KCNC2: variants seen among roughly 807,000 people sequenced by gnomAD.
The protein encoded by KCNC2 is voltage-gated potassium channel KCNC2.
In KCNC2, 21 loss-of-function variants were observed where a neutral mutation model predicts 44.5. The ratio of observed to expected loss-of-function variants is 0.47; its 90% CI spans 0.33 to 0.68. The LOEUF (loss-of-function observed/expected upper bound fraction) is 0.68, where lower values mean the gene tolerates loss of function less well. Among genes scored for constraint, KCNC2 ranks in the 30% least tolerant of loss-of-function variants. The pLI is 0.01. For missense variants in KCNC2, 589 were observed against 826.2 expected (o/e 0.71, Z 3.52); for synonymous variants, 391 against 339.1 (o/e 1.15, Z -1.68).
At chr12:75,043,894 A>C in intron 4 of KCNC2, 1 of 849,524 alleles carries the variant, frequency 1.2e-6, no homozygotes, top group South Asian at 2.2e-5. Context: ...AATAAGTTTG[A>C]ATTTGATTAC....
chr12:75,102,826 T>C (rs1886480124), intron 2 of KCNC2, among the ~76,000 whole-genome samples: 1 of 151,858 alleles, frequency 6.6e-6, no homozygotes, highest in African/African-American at 2.4e-5. Flanking sequence ...CACCCACACG[T>C]TTATTAATAA....
chr12:75,134,110 T>C (rs1024247594), intron 2 of KCNC2, among the ~76,000 whole-genome samples: 2 of 151,972 alleles, frequency 1.3e-5, no homozygotes, highest in African/African-American at 4.8e-5. Context: ...TCTATTATGG[T>C]ATCCAGTGAT....
chr12:75,167,464 G>A (rs1331409498), intron 2 of KCNC2, among the ~76,000 whole-genome samples: 2 of 151,138 alleles, frequency 1.3e-5, no homozygotes, highest in East Asian at 3.9e-4. Context: ...ATAATTACAA[G>A]GTAGGAATCA....
chr12:75,136,788 A>G (rs1234310125), intron 2 of KCNC2, among the ~76,000 whole-genome samples: 3 of 152,264 alleles, frequency 2.0e-5, no homozygotes, highest in Admixed American at 2.0e-4. Flanking sequence ...AACTGTTCCA[A>G]AAAATCAAGG....
At chr12:75,123,618 C>T (rs749730253) in intron 2 of KCNC2, among the ~76,000 whole-genome samples, 5 of 152,286 alleles carry the variant, frequency 3.3e-5, no homozygotes, top group East Asian at 1.9e-4. Context: ...CAAACTTTAT[C>T]GTCCTGATTC....
At chr12:75,095,323 C>T (rs1468374219) in intron 2 of KCNC2, among the ~76,000 whole-genome samples, 1 of 151,776 alleles carries the variant, frequency 6.6e-6, no homozygotes, top group Non-Finnish European at 1.5e-5. Context: ...AGGGCCCACA[C>T]ACAGAATTGT....
rs17114678 is a variant in KCNC2 at position 75,124,299 on chromosome 12, T to C, written c.688-72982A>G. On this transcript the variant is annotated intron_variant, in intron 2 of 4. Coordinates refer to ENST00000549446, the MANE Select transcript of KCNC2 (RefSeq NM_139137.4). ...TCCAGGTTTACTTGATCAAAATCTT[T>C]AGCTCTATGAAAATTTACTACCCAG... Among the ~76,000 whole-genome samples, 2,392 of 152,310 alleles carry C rather than the reference T, an allele frequency of 0.016. 246 individuals carry two copies. In the East Asian group the frequency reaches 0.28, roughly 18 times the overall value.
chr12:75,109,468 T>A (rs935253371), intron 2 of KCNC2, among the ~76,000 whole-genome samples: 3 of 152,184 alleles, frequency 2.0e-5, no homozygotes, highest in African/African-American at 7.2e-5. Context: ...CATGGTTATG[T>A]GGGATCTGAG....
At chr12:75,069,127 A>ATTTTTTTTTTTTTTTTTT (rs1231157819) in intron 2 of KCNC2, among the ~76,000 whole-genome samples, 1 of 33,900 alleles carries the variant, frequency 2.9e-5, no homozygotes, top group Non-Finnish European at 6.4e-5. Context: ...ATTTTATATA[A>ATTTTTTTTTTTTTTTTTT]TCTTTTTTTT....
At chr12:75,166,823 A>C (rs944810576) in intron 2 of KCNC2, among the ~76,000 whole-genome samples, 4 of 151,298 alleles carry the variant, frequency 2.6e-5, no homozygotes, top group African/African-American at 9.7e-5. Flanking sequence ...CCAAAGAAAC[A>C]TTTATAGCTC....
intron 2 of KCNC2, among the ~76,000 whole-genome samples, chr12:75,148,204 T>C (rs1890153524): frequency 6.6e-6 from 1 of 152,088 alleles, no homozygotes; most frequent in African/African-American, 2.4e-5. Context: ...GACAGCACTA[T>C]GTCCTCCAAA....
chr12:75,063,115 AT>A (rs752438767), intron 2 of KCNC2, among the ~76,000 whole-genome samples: 4 of 151,110 alleles, frequency 2.6e-5, no homozygotes, highest in South Asian at 2.1e-4. Flanking sequence ...TATAGGCTTC[AT>A]TTTTTTTTAT....
At chr12:75,177,933 A>G (rs773622285) in intron 2 of KCNC2, among the ~76,000 whole-genome samples, 22 of 151,968 alleles carry the variant, frequency 1.4e-4, no homozygotes, top group Non-Finnish European at 1.6e-4. Flanking sequence ...GAAAATAATA[A>G]CAATCTTCCT....
At chr12:75,122,013 C>CT (rs1888081664) in intron 2 of KCNC2, among the ~76,000 whole-genome samples, 1 of 152,062 alleles carries the variant, frequency 6.6e-6, no homozygotes, top group Non-Finnish European at 1.5e-5. Flanking sequence ...CTGCTGACAC[C>CT]ACTTACCTAT....
Position 75,042,128 on chromosome 12 carries a change from A to G in KCNC2, c.*977T>C, listed in dbSNP as rs181017990. On this transcript the variant is annotated 3_prime_UTR_variant, in exon 5 of 5. Coordinates refer to ENST00000549446, the MANE Select transcript of KCNC2 (RefSeq NM_139137.4). ...AAAAATTAATAAATAAAAATAAAATAAGGGGGTAAAAAAAAGACACAAGAG... is the reference window on the plus strand; with the variant it reads ...AAAAATTAATAAATAAAAATAAAATGAGGGGGTAAAAAAAAGACACAAGAG... The G allele has an allele frequency of 3.8e-5, 47 of 1,251,032 alleles. No individual in the cohort carries two copies. The highest frequency in any genetic ancestry group is 4.4e-4 in the Middle Eastern group (2 of 4,526). The allele number at this position is 1,251,032 out of a possible 1,614,324, so 77.5% of individuals were successfully genotyped here. A position where few individuals can be genotyped will look rare whatever the true frequency, so the allele number is the denominator to read the frequency against.
At chr12:75,172,103 G>A (rs925622901) in intron 2 of KCNC2, among the ~76,000 whole-genome samples, 3 of 151,700 alleles carry the variant, frequency 2.0e-5, no homozygotes, top group Non-Finnish European at 2.9e-5. Context: ...AAGAGAATAA[G>A]CCTGTTTCAG....
At chr12:75,208,166 C>T (rs1441617938) in intron 1 of KCNC2, among the ~76,000 whole-genome samples, 164 bp from the exon 2 acceptor site, 2 of 152,104 alleles carry the variant, frequency 1.3e-5, no homozygotes, top group African/African-American at 4.8e-5. Context: ...GCTGTCCCCG[C>T]CTCTTGCATC....
chr12:75,080,265 A>C lies in KCNC2; in HGVS notation c.688-28948T>G, dbSNP rs532218194. On this transcript the variant is annotated intron_variant, in intron 2 of 4. Transcript: ENST00000549446. ...GCTAAGAGAAATAGGTGCACTGCTC[A>C]AATAATCCTCTCTTTGTAGCATTTT... Among the ~76,000 whole-genome samples the C allele has an allele frequency of 5.1e-5, 6 of 117,088 alleles. No homozygotes were observed. In the South Asian group the frequency reaches 2.0e-3, roughly 38 times the overall value. 76.8% of individuals were successfully genotyped at this position (117,088 alleles called of 152,430 possible).
rs578052312 is a variant in KCNC2, at chr12:75,120,578, G to T, written c.688-69261C>A. Among the ~76,000 whole-genome samples the T allele has an allele frequency of 1.9e-4, 29 of 152,274 alleles. No individual in the cohort carries two copies. In the South Asian group the frequency reaches 5.4e-3, roughly 28 times the overall value. Reference sequence around the variant, plus strand: ...TGCTTGGAGTAAGATCACAACTGAAGCCAAAGCCATGAAAAGAATATCCTG... The same window carrying T: ...TGCTTGGAGTAAGATCACAACTGAATCCAAAGCCATGAAAAGAATATCCTG... On this transcript the variant is annotated intron_variant, in intron 2 of 4. Transcript: ENST00000549446.
Sources: gnomAD v4.1 joint callset for allele counts (sites outside exome capture counted in the v4.1 genomes callset) on GRCh38, gnomAD v4.1.1 for gene constraint, MANE v1.5 for transcripts, NCBI Gene and HGNC (gene_info 2026-07-23, HGNC 2026-07-21) for gene names.